Variants in TTLL6 observed in about 807,000 individuals in gnomAD.
TTLL6 encodes tubulin polyglutamylase TTLL6.
Under a neutral mutation model 96.4 loss-of-function variants are expected in TTLL6, and 75 were observed. That is an observed-to-expected ratio of 0.78 (90% CI 0.65 to 0.94). TTLL6 has a LOEUF of 0.94. TTLL6 is among the 40% of genes least tolerant of loss of function. The probability of loss-of-function intolerance (pLI) is 0.00; values close to 1 mark genes in which losing one functional copy is unlikely to be tolerated. For missense variants in TTLL6, 1,030 were observed against 1,093.0 expected, an observed-to-expected ratio of 0.94 and a Z score of 0.81; for synonymous variants, 411 against 419.4, an observed-to-expected ratio of 0.98 and a Z score of 0.24.
chr17:48,766,381 G>A (rs2038605638), intron 15 of TTLL6, among the ~76,000 whole-genome samples: 1 of 152,216 alleles, frequency 6.6e-6, no homozygotes, highest in African/African-American at 2.4e-5. Flanking sequence ...ACAGGATGCT[G>A]TGCCTGGCCT....
At chr17:48,786,472 A>C in intron 11 of TTLL6, 137 bp from the exon 12 acceptor site, 1 of 987,382 alleles carries the variant, frequency 1.0e-6, no homozygotes, top group Non-Finnish European at 1.6e-6. Flanking sequence ...TCCAGTCTGC[A>C]CAAGTGATTG....
chr17:48,786,704 C>T (rs542523430), intron 11 of TTLL6, among the ~76,000 whole-genome samples: 225 of 152,282 alleles, frequency 1.5e-3, no homozygotes, highest in African/African-American at 5.2e-3. Context: ...TCATATTGCG[C>T]CATTTCATGT....
intron 3 of TTLL6, 112 bp downstream of exon 3, chr17:48,803,779 G>C (rs896163297): frequency 9.1e-7 from 1 of 1,093,562 alleles, no homozygotes; most frequent in Non-Finnish European, 1.3e-6. Context: ...TGAAGGACAG[G>C]ATTTGAAGAT....
chr17:48,803,734 C>G (rs185052607), intron 3 of TTLL6, among the ~76,000 whole-genome samples, 157 bp downstream of exon 3: 1 of 152,180 alleles, frequency 6.6e-6, no homozygotes, highest in African/African-American at 2.4e-5. Flanking sequence ...GATTCCCAAC[C>G]TCTTTAATTA....
intron 7 of TTLL6, among the ~76,000 whole-genome samples, chr17:48,796,618 CA>C (rs10667928): frequency 1.5e-3 from 207 of 138,116 alleles, no homozygotes; most frequent in Admixed American, 1.5e-3. Context: ...GACTCCATCT[CA>C]AAAAAAAAAA....
At chr17:48,803,836 C>T in intron 3 of TTLL6, 55 bp downstream of exon 3, 2 of 1,536,080 alleles carry the variant, frequency 1.3e-6, no homozygotes, top group Non-Finnish European at 1.8e-6. Context: ...CTTCCCAACC[C>T]TTTGGGAGAA....
At chr17:48,787,644 C>T (rs1274839211) in intron 11 of TTLL6, 167 bp downstream of exon 11, 9 of 593,394 alleles carry the variant, frequency 1.5e-5, no homozygotes, top group Non-Finnish European at 2.6e-5. Context: ...CATCCACCTG[C>T]CTTGGCCTCC....
rs552385471 is a variant in TTLL6, at chr17:48,776,834, C to CT, written c.2041-6738dup. 3.9e-5 allele frequency among the ~76,000 whole-genome samples: 6 copies of CT among 152,064 alleles called. No individual in the cohort carries two copies. The East Asian group carries it at 5.8e-4, about 15-fold the overall frequency. ...CAATGCCAATCAGAATCCCAGTGTG[C>CT]TTTTTTTGCAAAAATTGATGAATTT... On this transcript the variant is annotated intron_variant, in intron 13 of 15. Transcript: ENST00000393382.
rs2038697110 is a variant in TTLL6 at position 48,769,790 on chromosome 17, C to T, written c.2348G>A (p.Ser783Asn). 1.2e-6 allele frequency: 2 copies of T among 1,614,120 alleles called. No homozygotes were observed. The highest frequency in any genetic ancestry group is 1.7e-6 in the Non-Finnish European group (2 of 1,180,052). Residue 783 changes from serine to asparagine, a missense_variant, in exon 14 of 16, where the codon AGT becomes AAT. Coordinates refer to ENST00000393382, the MANE Select transcript of TTLL6 (RefSeq NM_001130918.3). ...ISELLTKLQL[S>N]GKLSFFPAHY... is the part of the protein sequence containing the mutation. ...AGCTGGGAAGAAGGAGAGCTTCCCACTCAGTTGAAGCTTGGTGAGTAGCTC... is the reference window on the plus strand; with the variant it reads ...AGCTGGGAAGAAGGAGAGCTTCCCATTCAGTTGAAGCTTGGTGAGTAGCTC...
Position 48,787,850 on chromosome 17 carries a change from T to G in TTLL6, c.1550A>C (p.Gln517Pro). The part of the protein sequence containing the change: ...KFFQDNNSLF[Q>P]NTVASRAREE... ...CCGAGCCCTGGAAGCAACAGTATTC[T>G]GGAAGAGGGAGTTGTTGTCCTGGAA... Residue 517 changes from glutamine to proline, a missense_variant, in exon 11 of 16, where the codon CAG becomes CCG. Coordinates refer to ENST00000393382, the MANE Select transcript of TTLL6 (RefSeq NM_001130918.3). 1 of 1,614,248 alleles carries G rather than the reference T, an allele frequency of 6.2e-7. No homozygotes were observed. Among genetic ancestry groups the G allele is most frequent in the Admixed American group, 1.7e-5 (1 of 60,030 alleles).
intron 1 of TTLL6, chr17:48,812,064 A>ACCCCCCCCCCCCCCC (rs56757071): frequency 4.2e-4 from 32 of 76,136 alleles, no homozygotes; most frequent in Admixed American, 5.6e-4. Context: ...TGATGCTGGG[A>ACCCCCCCCCCCCCCC]CCCCCCCCCC....
intron 13 of TTLL6, among the ~76,000 whole-genome samples, chr17:48,772,433 A>G (rs2038766423): frequency 6.6e-6 from 1 of 152,174 alleles, no homozygotes; most frequent in Non-Finnish European, 1.5e-5. Flanking sequence ...AATATGGCCA[A>G]AGAATTAAAA....
At chr17:48,786,930 G>T (rs1264154379) in intron 11 of TTLL6, among the ~76,000 whole-genome samples, 1 of 150,294 alleles carries the variant, frequency 6.7e-6, no homozygotes, top group Admixed American at 6.7e-5. Flanking sequence ...GCCCCTCCAG[G>T]TTTAATTCTC....
intron 13 of TTLL6, among the ~76,000 whole-genome samples, chr17:48,774,090 A>C (rs868283366): frequency 7.1e-4 from 69 of 97,392 alleles, no homozygotes; most frequent in South Asian, 1.2e-3. Context: ...CTCAAAAAAA[A>C]CAAAACAAAA....
At chr17:48,769,417 T>G (rs978612427) in intron 14 of TTLL6, among the ~76,000 whole-genome samples, 163 bp from the exon 15 acceptor site, 2 of 152,230 alleles carry the variant, frequency 1.3e-5, no homozygotes, top group Non-Finnish European at 2.9e-5. Flanking sequence ...TAGTTTTTCT[T>G]CCCCATTTTT....
At chr17:48,771,159 T>C (rs1038573922) in intron 13 of TTLL6, among the ~76,000 whole-genome samples, 1 of 152,122 alleles carries the variant, frequency 6.6e-6, no homozygotes, top group Non-Finnish European at 1.5e-5. Flanking sequence ...AATCCTTTCA[T>C]GTGCAGTTTG....
Position 48,800,549 on chromosome 17 carries a change from A to C in TTLL6, c.611+706T>G, listed in dbSNP as rs545765010. ...CTAAGCCCTGAAACTTGTTCCAGAC[A>C]AGCCAAGGAAAGTCTGAGAACCCTG... On this transcript the variant is annotated intron_variant, in intron 5 of 15. Coordinates refer to ENST00000393382, the MANE Select transcript of TTLL6 (RefSeq NM_001130918.3). 5.8e-4 allele frequency among the ~76,000 whole-genome samples: 88 copies of C among 152,302 alleles called. 1 individual carries two copies. In the Middle Eastern group the frequency reaches 0.01, roughly 18 times the overall value.
chr17:48,769,389 T>C, intron 14 of TTLL6, 135 bp from the exon 15 acceptor site: 1 of 1,106,152 alleles, frequency 9.0e-7, no homozygotes, highest in Non-Finnish European at 1.3e-6. Flanking sequence ...GAATCAGCCA[T>C]TGCTCCTTTT....
intron 13 of TTLL6, among the ~76,000 whole-genome samples, chr17:48,784,228 G>A (rs2039042998): frequency 6.6e-6 from 1 of 152,110 alleles, no homozygotes; most frequent in Non-Finnish European, 1.5e-5. Flanking sequence ...GCAACATGGT[G>A]AAACCTTCTC....
Sources: gnomAD v4.1 joint callset for allele counts (sites outside exome capture counted in the v4.1 genomes callset) on GRCh38, gnomAD v4.1.1 for gene constraint, MANE v1.5 for transcripts, NCBI Gene and HGNC (gene_info 2026-07-23, HGNC 2026-07-21) for gene names.